Variants in SLIT3 observed in about 807,000 individuals in gnomAD.
SLIT3 encodes the protein slit guidance ligand 3, also known as slit homolog 3 protein.
A neutral mutation model predicts 184.0 loss-of-function variants in SLIT3; 68 were observed. The ratio of observed to expected loss-of-function variants is 0.37; its 90% CI spans 0.30 to 0.45. The LOEUF (loss-of-function observed/expected upper bound fraction) is 0.45, where lower values mean the gene tolerates loss of function less well. SLIT3 is among the 20% of genes least tolerant of loss of function. The pLI is 1.00. For synonymous variants in SLIT3, 831 were observed against 828.6 expected, an observed-to-expected ratio of 1.00 and a Z score of -0.05; for missense variants, 1,707 against 2,026.0, an observed-to-expected ratio of 0.84 and a Z score of 3.02.
At chr5:169,139,543 C>T (rs1454708559) in intron 4 of SLIT3, among the ~76,000 whole-genome samples, 2 of 152,192 alleles carry the variant, frequency 1.3e-5, no homozygotes, top group African/African-American at 4.8e-5. Flanking sequence ...TGATCCCAGC[C>T]CCACACTCAG....
chr5:169,055,701 T>A (rs1260561657), intron 4 of SLIT3, among the ~76,000 whole-genome samples: 1 of 151,924 alleles, frequency 6.6e-6, no homozygotes, highest in Non-Finnish European at 1.5e-5. Context: ...TAGCTGGGTG[T>A]GGTAGCTGTA....
At chr5:168,685,549 G>T in intron 31 of SLIT3, 138 bp downstream of exon 31, 1 of 1,097,688 alleles carries the variant, frequency 9.1e-7, no homozygotes, top group Non-Finnish European at 1.3e-6. Flanking sequence ...TGGATGAGTT[G>T]GTCCAGATGT....
intron 12 of SLIT3, among the ~76,000 whole-genome samples, chr5:168,775,616 A>C (rs976560233): frequency 1.3e-5 from 2 of 152,210 alleles, no homozygotes; most frequent in Non-Finnish European, 2.9e-5. Context: ...TAGGAGCTCT[A>C]TAATGGCACC....
Position 169,251,456 on chromosome 5 carries a change from G to T in SLIT3, c.201C>A (p.Asp67Glu). 6.2e-7 allele frequency: 1 copy of T among 1,611,568 alleles called. No individual in the cohort carries two copies. Among genetic ancestry groups the T allele is most frequent in the Non-Finnish European group, 8.5e-7 (1 of 1,177,758 alleles). Residue 67 changes from aspartate to glutamate, a missense_variant, in exon 2 of 36, where the codon GAC (aspartate) becomes GAA (glutamate). By Grantham distance (45) the Asp-to-Glu change is conservative. Around this residue, in one of 3 missense-constraint regions of SLIT3, gnomAD observed 1,307 missense variants for 1,511.6 expected, o/e 0.86. Coordinates refer to ENST00000519560, the MANE Select transcript of SLIT3 (RefSeq NM_003062.4). ...TCCTGGTGATATTATTTCTGTCCAG[G>T]TCACTGCAATGGAGAGCAAATTCAG... ...RGIPRNAERL[D>E]LDRNNITRIT...
chr5:168,839,899 G>T (rs1200324337), intron 6 of SLIT3, among the ~76,000 whole-genome samples: 3 of 152,004 alleles, frequency 2.0e-5, no homozygotes, highest in Non-Finnish European at 4.4e-5. Context: ...CTGACTTCAG[G>T]CAAGTCTCCT....
intron 32 of SLIT3, 106 bp from the exon 33 acceptor site, chr5:168,673,437 T>C: frequency 9.2e-7 from 1 of 1,084,950 alleles, no homozygotes; most frequent in East Asian, 2.5e-5. Context: ...TTGTTTTACT[T>C]TTTATTTGGA....
chr5:169,136,548 G>A (rs191547518), intron 4 of SLIT3, among the ~76,000 whole-genome samples: 5 of 152,268 alleles, frequency 3.3e-5, no homozygotes, highest in East Asian at 3.9e-4. Flanking sequence ...CAATAGTCCC[G>A]TCGTGGGTCA....
chr5:168,937,289 G>C (rs1245286573), intron 4 of SLIT3, among the ~76,000 whole-genome samples: 1 of 152,136 alleles, frequency 6.6e-6, no homozygotes, highest in Non-Finnish European at 1.5e-5. Context: ...TCTACCCTAA[G>C]AGAAGGTAAA....
chr5:169,274,943 A>T (rs1766751877), intron 1 of SLIT3, among the ~76,000 whole-genome samples: 1 of 152,238 alleles, frequency 6.6e-6, no homozygotes, highest in South Asian at 2.1e-4. Context: ...ATTAAACATG[A>T]TAATGTGTAT....
chr5:168,685,447 T>C (rs1761713481), intron 31 of SLIT3, among the ~76,000 whole-genome samples: 1 of 152,218 alleles, frequency 6.6e-6, no homozygotes. Flanking sequence ...AATAGTTGAA[T>C]GCATATTTTC....
intron 4 of SLIT3, among the ~76,000 whole-genome samples, chr5:169,090,133 G>A (rs1159103576): frequency 1.3e-5 from 2 of 152,172 alleles, no homozygotes; most frequent in African/African-American, 2.4e-5. Context: ...TAAAGGGAAC[G>A]GGTGATGTTA....
intron 25 of SLIT3, among the ~76,000 whole-genome samples, chr5:168,709,511 C>T (rs1762481871): frequency 6.6e-6 from 1 of 152,200 alleles, no homozygotes; most frequent in Non-Finnish European, 1.5e-5. Context: ...TGTATGATGT[C>T]CAAATGTGCA....
intron 4 of SLIT3, among the ~76,000 whole-genome samples, chr5:169,157,723 C>T (rs201827454): frequency 1.3e-5 from 2 of 152,020 alleles, no homozygotes; most frequent in South Asian, 2.1e-4. Flanking sequence ...TCAAAAGATG[C>T]CACCACTGAT....
At chr5:169,268,634 T>A (rs948134185) in intron 1 of SLIT3, among the ~76,000 whole-genome samples, 1 of 152,230 alleles carries the variant, frequency 6.6e-6, no homozygotes, top group African/African-American at 2.4e-5. Flanking sequence ...GGACAGCAGC[T>A]GTAGCATCAG....
At chr5:168,761,506 G>T (rs1302412576) in intron 15 of SLIT3, among the ~76,000 whole-genome samples, 8 of 152,114 alleles carry the variant, frequency 5.3e-5, no homozygotes, top group Non-Finnish European at 1.0e-4. Flanking sequence ...CAGGATTCAA[G>T]ATGAGTTCCA....
At chr5:168,673,047 T>C in intron 33 of SLIT3, 130 bp downstream of exon 33, 1 of 837,756 alleles carries the variant, frequency 1.2e-6, no homozygotes, top group Non-Finnish European at 1.9e-6. Context: ...TATTCACCTT[T>C]TAGAGATCAG....
intron 5 of SLIT3, among the ~76,000 whole-genome samples, chr5:168,848,576 A>G (rs1230558540): frequency 1.3e-5 from 2 of 152,178 alleles, no homozygotes; most frequent in African/African-American, 2.4e-5. Context: ...ATGATATTAA[A>G]TTAACTGCTC....
At chr5:168,927,230 A>C (rs984392304) in intron 4 of SLIT3, among the ~76,000 whole-genome samples, 1 of 152,224 alleles carries the variant, frequency 6.6e-6, no homozygotes, top group African/African-American at 2.4e-5. Flanking sequence ...CATGGGTAGA[A>C]CCTTGAGAAC....
intron 4 of SLIT3, among the ~76,000 whole-genome samples, chr5:169,104,907 T>C (rs1364991561): frequency 2.0e-5 from 3 of 152,222 alleles, no homozygotes. Flanking sequence ...TTGTTTCCCC[T>C]TCTTTCCAGG....
Sources: gnomAD v4.1 joint callset for allele counts (sites outside exome capture counted in the v4.1 genomes callset) on GRCh38, gnomAD v4.1.1 for gene constraint, gnomAD v4.1.1 regional missense constraint, MANE v1.5 for transcripts, NCBI Gene and HGNC (gene_info 2026-07-23, HGNC 2026-07-21) for gene names.